LAMC2: variants seen among roughly 807,000 people sequenced by gnomAD.
LAMC2 encodes laminin subunit gamma-2.
Under a neutral mutation model 140.2 loss-of-function variants are expected in LAMC2, and 97 were observed. The ratio of observed to expected loss-of-function variants is 0.69; its 90% CI spans 0.59 to 0.82. The LOEUF is 0.82. Ranked by LOEUF, LAMC2 falls within the 40% of genes least tolerant of loss-of-function variation. LAMC2 has a pLI of 0.00. For synonymous variants in LAMC2, 513 were observed against 540.2 expected, an observed-to-expected ratio of 0.95 and a Z score of 0.70; for missense variants, 1,402 against 1,476.1, an observed-to-expected ratio of 0.95 and a Z score of 0.82.
At chr1:183,200,040 C>T (rs1035427147) in intron 1 of LAMC2, among the ~76,000 whole-genome samples, 4 of 152,188 alleles carry the variant, frequency 2.6e-5, no homozygotes, top group African/African-American at 7.2e-5. Context: ...ACAGATTATA[C>T]AAAGACAGCG....
At chr1:183,253,400 A>G in the LAMC2 span, among the ~76,000 whole-genome samples, 2 of 151,070 alleles carry the variant, frequency 1.3e-5, no homozygotes, top group Non-Finnish European at 1.5e-5. Context: ...TCATATATCC[A>G]TCATCTCACT....
intron 2 of LAMC2, among the ~76,000 whole-genome samples, chr1:183,212,244 AC>A (rs1400595334): frequency 6.6e-5 from 10 of 152,212 alleles, no homozygotes; most frequent in Non-Finnish European, 1.5e-5. Flanking sequence ...GTTAAAAACA[AC>A]CAAATTTCAT....
At chr1:183,213,155 T>TTTTAA (rs1659123305) in intron 2 of LAMC2, among the ~76,000 whole-genome samples, 1 of 152,274 alleles carries the variant, frequency 6.6e-6, no homozygotes, top group Non-Finnish European at 1.5e-5. Flanking sequence ...TGCTGTGAAC[T>TTTTAA]TTTAATTCAC....
At chr1:183,249,053 G>A (rs917311352), downstream of LAMC2, 12 of 152,148 alleles carry the variant, frequency 7.9e-5, no homozygotes, top group Admixed American at 7.2e-4. Context: ...TGAACAGCAA[G>A]TTCTTTAATT....
intron 1 of LAMC2, among the ~76,000 whole-genome samples, chr1:183,201,944 A>G (rs1329432806): frequency 2.0e-5 from 3 of 152,216 alleles, no homozygotes; most frequent in African/African-American, 7.2e-5. Context: ...TTTTGACTCC[A>G]GCACTCTAGA....
chr1:183,219,065 C>T (rs553899760), intron 4 of LAMC2, among the ~76,000 whole-genome samples: 6 of 152,320 alleles, frequency 3.9e-5, no homozygotes, highest in African/African-American at 1.2e-4. Context: ...CACCATCCCC[C>T]CAAGCTGCCG....
At chr1:183,206,631 G>A (rs147378728) in intron 1 of LAMC2, among the ~76,000 whole-genome samples, 75 of 140,810 alleles carry the variant, frequency 5.3e-4, no homozygotes, top group African/African-American at 1.7e-3. Context: ...CAGCCTGGGC[G>A]ACAGAGCAAG....
chr1:183,258,850 GACCA>G, the LAMC2 span, among the ~76,000 whole-genome samples: 2 of 152,184 alleles, frequency 1.3e-5, no homozygotes. Flanking sequence ...TTTCATCTCT[GACCA>G]ATCCGCACTC....
chr1:183,211,804 G>A (rs1309456002), intron 2 of LAMC2, among the ~76,000 whole-genome samples: 1 of 152,116 alleles, frequency 6.6e-6, no homozygotes, highest in African/African-American at 2.4e-5. Flanking sequence ...CACCATGCTC[G>A]GCCCTAAATT....
At chr1:183,227,741 G>A in intron 10 of LAMC2, 44 bp downstream of exon 10, 1 of 1,572,296 alleles carries the variant, frequency 6.4e-7, no homozygotes, top group Non-Finnish European at 8.7e-7. Flanking sequence ...TTCCTGTCCT[G>A]ATGCCATGAA....
At chr1:183,199,295 G>A (rs1010282610) in intron 1 of LAMC2, among the ~76,000 whole-genome samples, 2 of 151,546 alleles carry the variant, frequency 1.3e-5, no homozygotes, top group African/African-American at 4.9e-5. Context: ...GTAGAGATGG[G>A]GTTTCACTAT....
chr1:183,212,890 T>C (rs930929394), intron 2 of LAMC2, among the ~76,000 whole-genome samples: 2 of 152,178 alleles, frequency 1.3e-5, no homozygotes, highest in African/African-American at 4.8e-5. Context: ...TCCCTCATCA[T>C]TCCTAACCCA....
intron 12 of LAMC2, among the ~76,000 whole-genome samples, 191 bp downstream of exon 12, chr1:183,231,294 TTA>T (rs1385502915): frequency 6.6e-6 from 1 of 152,242 alleles, no homozygotes; most frequent in Middle Eastern, 3.2e-3. Flanking sequence ...GTTTATGTCT[TTA>T]TATATACCAT....
chr1:183,200,450 A>T (rs1369728002), intron 1 of LAMC2, among the ~76,000 whole-genome samples: 1 of 152,156 alleles, frequency 6.6e-6, no homozygotes, highest in Admixed American at 6.6e-5. Flanking sequence ...TATGTATGCC[A>T]AGTGATTGAA....
intron 1 of LAMC2, among the ~76,000 whole-genome samples, chr1:183,190,269 A>C (rs1314233888): frequency 1.3e-5 from 2 of 152,190 alleles, no homozygotes; most frequent in African/African-American, 4.8e-5. Context: ...TATTGTTACA[A>C]CTAACTGCCC....
At chr1:183,217,230 G>C (rs911468867) in intron 3 of LAMC2, among the ~76,000 whole-genome samples, 4 of 152,124 alleles carry the variant, frequency 2.6e-5, no homozygotes, top group Admixed American at 2.6e-4. Flanking sequence ...CTTGGTTTTT[G>C]AGCAATGAGA....
intron 1 of LAMC2, among the ~76,000 whole-genome samples, chr1:183,200,823 C>A (rs1220390350): frequency 2.0e-5 from 3 of 152,160 alleles, no homozygotes; most frequent in African/African-American, 4.8e-5. Flanking sequence ...CTGTGTCTGG[C>A]TGCCTGGCGG....
chr1:183,247,132 C>T (rs566270957), downstream of LAMC2, among the ~76,000 whole-genome samples: 1 of 152,012 alleles, frequency 6.6e-6, no homozygotes, highest in Non-Finnish European at 1.5e-5. Context: ...TCCAACATGG[C>T]GAAACCCTGT....
intron 3 of LAMC2, among the ~76,000 whole-genome samples, chr1:183,218,072 C>A (rs1224018079): frequency 2.0e-5 from 3 of 152,184 alleles, no homozygotes; most frequent in Non-Finnish European, 4.4e-5. Flanking sequence ...CTGAGCCAAA[C>A]AGTGAACCAA....
Sources: gnomAD v4.1 joint callset for allele counts (sites outside exome capture counted in the v4.1 genomes callset) on GRCh38, gnomAD v4.1.1 for gene constraint, MANE v1.5 for transcripts, NCBI Gene and HGNC (gene_info 2026-07-23, HGNC 2026-07-21) for gene names.